Variants in SMOC2 observed in about 807,000 individuals in gnomAD.
The protein encoded by SMOC2 is SPARC related modular calcium binding 2, also known as SPARC-related modular calcium-binding protein 2.
In SMOC2, 39 loss-of-function variants were observed where a neutral mutation model predicts 61.4. That is an observed-to-expected ratio of 0.64 (90% confidence interval 0.49 to 0.83). SMOC2 has a LOEUF of 0.83. Among genes scored for constraint, SMOC2 ranks in the 40% least tolerant of loss-of-function variants. The pLI is 0.00. For synonymous variants in SMOC2, 247 were observed against 239.9 expected (o/e 1.03, Z -0.27); for missense variants, 556 against 592.9 (o/e 0.94, Z 0.65).
intron 1 of SMOC2, among the ~76,000 whole-genome samples, chr6:168,498,286 G>T (rs1345309901): frequency 6.6e-6 from 1 of 152,152 alleles, no homozygotes; most frequent in African/African-American, 2.4e-5. Context: ...ATGTATTTTA[G>T]TGTAATTTGC....
At chr6:168,573,409 C>A in intron 7 of SMOC2, among the ~76,000 whole-genome samples, 1 of 151,602 alleles carries the variant, frequency 6.6e-6, no homozygotes, top group East Asian at 2.0e-4. Context: ...ACGCGATGTT[C>A]ATTTCCTGCC....
chr6:168,596,893 T>C (rs1037008816), intron 7 of SMOC2, among the ~76,000 whole-genome samples: 14 of 152,258 alleles, frequency 9.2e-5, no homozygotes, highest in African/African-American at 3.1e-4. Context: ...CACAATCATA[T>C]GAAATTTCAG....
In SMOC2 at chr6:168,536,791, G is replaced by A. The variant is rs868487820; in HGVS notation, c.464-6834G>A. 7.9e-5 allele frequency among the ~76,000 whole-genome samples: 12 copies of A among 152,182 alleles called. 1 individual carries two copies. Among genetic ancestry groups the A allele is most frequent in the African/African-American group, 2.7e-4 (11 of 41,438 alleles). On this transcript the variant is annotated intron_variant, in intron 4 of 12. Transcript: ENST00000356284. ...CCAGAATGTCCCCAACAAGGAGTGC[G>A]TGCAAGTCCTGCTTGGCCCCAACCT...
chr6:168,500,669 A>T (rs2115041787), intron 1 of SMOC2, among the ~76,000 whole-genome samples: 1 of 151,932 alleles, frequency 6.6e-6, no homozygotes, highest in South Asian at 2.1e-4. Flanking sequence ...ACACTGCTGG[A>T]CTCCAAGGCC....
rs1046215350 is a variant in SMOC2, at chr6:168,453,169, G to C, written c.84+11715G>C. The stretch of plus-strand genomic sequence containing the variant: ...TGCTGTCCGACGCAGGCAGGTGCAG[G>C]CTGTTCTAGAGTGTGCTCAGGGTGG... On this transcript the variant is annotated intron_variant, in intron 1 of 12. Transcript: ENST00000356284. This position sits in a 1 kb window ranked among gnomAD's most constrained non-coding sequence, Gnocchi z 4.4. Among the ~76,000 whole-genome samples, 5 of 151,568 alleles carry C rather than the reference G, an allele frequency of 3.3e-5. No individual in the cohort carries two copies. Among genetic ancestry groups the C allele is most frequent in the African/African-American group, 1.2e-4 (5 of 41,222 alleles).
At chr6:168,536,848 G>A (rs556634979) in intron 4 of SMOC2, among the ~76,000 whole-genome samples, 3 of 152,322 alleles carry the variant, frequency 2.0e-5, no homozygotes, top group South Asian at 4.1e-4. Context: ...GATGGGACCC[G>A]GTGAAGTCGG....
At chr6:168,454,158 G>C (rs1781527550) in intron 1 of SMOC2, among the ~76,000 whole-genome samples, 1 of 152,008 alleles carries the variant, frequency 6.6e-6, no homozygotes, top group African/African-American at 2.4e-5. Context: ...CCTGCAGGGG[G>C]TCACTCTGTG....
chr6:168,538,952 G>A (rs1307931609), intron 4 of SMOC2, among the ~76,000 whole-genome samples: 2 of 152,218 alleles, frequency 1.3e-5, no homozygotes, highest in Admixed American at 6.5e-5. Context: ...CCAGGGTCAG[G>A]TTTTCTGTTG....
At chr6:168,520,102 T>C (rs554942513) in intron 2 of SMOC2, among the ~76,000 whole-genome samples, 17 of 152,314 alleles carry the variant, frequency 1.1e-4, no homozygotes, top group African/African-American at 3.6e-4. Flanking sequence ...GGATGCATCA[T>C]GCTGCTTTTG....
intron 4 of SMOC2, among the ~76,000 whole-genome samples, chr6:168,540,168 G>C (rs144305144): frequency 6.6e-6 from 1 of 152,238 alleles, no homozygotes; most frequent in Non-Finnish European, 1.5e-5. Context: ...CCCTGCCGTC[G>C]TTTCCTGTGG....
Position 168,653,010 on chromosome 6 carries a change from T to G in SMOC2, c.1067T>G (p.Phe356Cys). ...GAGGAGCGGGTGGTGCACTGGTACT[T>G]CAAACTACTGGATAAAAACTCCAGT... ...TLEERVVHWY[F>C]KLLDKNSSGD... Residue 356 changes from phenylalanine (F) to cysteine (C), a missense_variant, in exon 11 of 13, where the codon TTC becomes TGC. Phe to Cys is a radical substitution (Grantham distance 205). Transcript: ENST00000356284. 6.2e-7 allele frequency: 1 copy of G among 1,614,004 alleles called. No individual in the cohort carries two copies. Among genetic ancestry groups the G allele is most frequent in the Non-Finnish European group, 8.5e-7 (1 of 1,179,980 alleles).
intron 6 of SMOC2, among the ~76,000 whole-genome samples, chr6:168,548,663 G>A (rs976492415): frequency 1.1e-4 from 17 of 151,950 alleles, no homozygotes; most frequent in Non-Finnish European, 2.5e-4. Flanking sequence ...CACCATGCCC[G>A]GCCCATTCAA....
At chr6:168,459,746 T>G (rs1304903224) in intron 1 of SMOC2, among the ~76,000 whole-genome samples, 7 of 47,388 alleles carry the variant, frequency 1.5e-4, no homozygotes, top group South Asian at 8.3e-4. Context: ...GTGGGCCTTG[T>G]GGTGGGTGAG....
chr6:168,505,108 C>CAT lies in SMOC2; in HGVS notation c.85-4807_85-4806insAT, dbSNP rs1262437623. Among the ~76,000 whole-genome samples, 77 of 137,730 alleles carry CAT rather than the reference C, an allele frequency of 5.6e-4. 1 individual carries two copies. Among genetic ancestry groups the CAT allele is most frequent in the Non-Finnish European group, 9.5e-4 (61 of 64,248 alleles). 90.4% of individuals were successfully genotyped at this position (137,730 alleles called of 152,430 possible). On this transcript the variant is annotated intron_variant, in intron 1 of 12. Transcript: ENST00000356284. ...GGTGAATCAGTGAATGAAATGTCTGCCTCTCAGATGCCAGATGAATGACTG... is the reference window on the plus strand; with the variant it reads ...GGTGAATCAGTGAATGAAATGTCTGCATCTCTCAGATGCCAGATGAATGACTG...
chr6:168,473,102 A>G (rs1020295076), intron 1 of SMOC2, among the ~76,000 whole-genome samples: 3 of 152,058 alleles, frequency 2.0e-5, no homozygotes, highest in Admixed American at 6.5e-5. Flanking sequence ...TGTAAATTCA[A>G]CCTCCACCCC....
chr6:168,500,510 G>A (rs536977362), intron 1 of SMOC2, among the ~76,000 whole-genome samples: 34 of 152,164 alleles, frequency 2.2e-4, no homozygotes, highest in South Asian at 6.2e-4. Context: ...GGGTCTCCGC[G>A]TGGTCATGCC....
chr6:168,620,892 A>C lies in SMOC2; in HGVS notation c.907+12653A>C, dbSNP rs528055788. 2.0e-5 allele frequency among the ~76,000 whole-genome samples: 3 copies of C among 152,328 alleles called. No homozygotes were observed. The South Asian group carries it at 6.2e-4, about 32-fold the overall frequency. On this transcript the variant is annotated intron_variant, in intron 9 of 12. Transcript: ENST00000356284. ...TGTTCTTCCTGATAATTCCTTAAGA[A>C]TTTAATTGGACAGACTAAGGCTGCA...
chr6:168,540,808 G>A (rs1273860448), intron 4 of SMOC2, among the ~76,000 whole-genome samples: 2 of 152,122 alleles, frequency 1.3e-5, no homozygotes, highest in East Asian at 3.9e-4. Context: ...CTGCCCCCAG[G>A]ATGTGAAGTT....
intron 1 of SMOC2, among the ~76,000 whole-genome samples, chr6:168,473,157 G>A (rs539935721): frequency 6.6e-6 from 1 of 152,344 alleles, no homozygotes; most frequent in Admixed American, 6.5e-5. Flanking sequence ...CAGAATTCCA[G>A]TGGACAGAGC....
Sources: gnomAD v4.1 joint callset for allele counts (sites outside exome capture counted in the v4.1 genomes callset) on GRCh38, gnomAD v4.1.1 for gene constraint, Gnocchi (gnomAD v3.1) non-coding constraint, MANE v1.5 for transcripts, NCBI Gene and HGNC (gene_info 2026-07-23, HGNC 2026-07-21) for gene names.